Variants in ATP8B4 observed in about 807,000 individuals in gnomAD.
ATP8B4 encodes the protein ATPase phospholipid transporting 8B4 (putative).
In ATP8B4, 133 loss-of-function variants were observed where a neutral mutation model predicts 145.6. That is an observed-to-expected ratio of 0.91 (90% confidence interval 0.79 to 1.05). The LOEUF (loss-of-function observed/expected upper bound fraction) is 1.05, where lower values mean the gene tolerates loss of function less well. Among genes scored for constraint, ATP8B4 ranks in the 50% least tolerant of loss-of-function variants. The probability of loss-of-function intolerance (pLI) is 0.00; values close to 1 mark genes in which losing one functional copy is unlikely to be tolerated. For missense variants in ATP8B4, 1,458 were observed against 1,425.2 expected (o/e 1.02, Z -0.37); for synonymous variants, 507 against 492.9 (o/e 1.03, Z -0.38).
intron 3 of ATP8B4, among the ~76,000 whole-genome samples, chr15:50,060,384 A>C (rs1421529340): frequency 1.3e-5 from 2 of 152,204 alleles, no homozygotes; most frequent in Non-Finnish European, 2.9e-5. Flanking sequence ...ATCCAATTAA[A>C]TAATACTTGA....
intron 2 of ATP8B4, among the ~76,000 whole-genome samples, chr15:50,088,503 C>T (rs1332192730): frequency 1.3e-5 from 2 of 152,120 alleles, no homozygotes; most frequent in African/African-American, 4.8e-5. Context: ...ACTGTTCCCT[C>T]GCCTGGCATG....
intron 1 of ATP8B4, among the ~76,000 whole-genome samples, chr15:50,150,377 A>G (rs1439904506): frequency 6.6e-6 from 1 of 152,182 alleles, no homozygotes; most frequent in East Asian, 1.9e-4. Flanking sequence ...ATTTTAACAC[A>G]ATGGACTCCA....
intron 2 of ATP8B4, among the ~76,000 whole-genome samples, chr15:50,093,872 A>T (rs2055777779): frequency 6.6e-6 from 1 of 152,210 alleles, no homozygotes; most frequent in Admixed American, 6.5e-5. Context: ...ACTTTAATAC[A>T]ATAAGCACTG....
intron 1 of ATP8B4, among the ~76,000 whole-genome samples, chr15:50,157,355 C>T (rs2140829411): frequency 1.3e-5 from 2 of 152,260 alleles, no homozygotes; most frequent in South Asian, 4.1e-4. Context: ...AAAAGATGAG[C>T]CATGGAAGTG....
intron 2 of ATP8B4, among the ~76,000 whole-genome samples, chr15:50,078,369 T>C (rs913080425): frequency 6.6e-6 from 1 of 151,734 alleles, no homozygotes; most frequent in African/African-American, 2.4e-5. Flanking sequence ...TAAGAAGACA[T>C]GGCATCCATG....
At chr15:50,173,785 CATTCT>C (rs1158739309) in intron 1 of ATP8B4, among the ~76,000 whole-genome samples, 1 of 152,076 alleles carries the variant, frequency 6.6e-6, no homozygotes, top group Non-Finnish European at 1.5e-5. Flanking sequence ...CTCCCTAATT[CATTCT>C]ATGAAGCCAG....
At chr15:50,015,572 A>G in intron 6 of ATP8B4, among the ~76,000 whole-genome samples, 1 of 152,204 alleles carries the variant, frequency 6.6e-6, no homozygotes, top group East Asian at 1.9e-4. Flanking sequence ...GGACCCAATC[A>G]TGGCAACAGT....
At chr15:50,047,715 G>GATTTCTGACTTAAGC (rs1207429484) in intron 3 of ATP8B4, among the ~76,000 whole-genome samples, 1 of 152,024 alleles carries the variant, frequency 6.6e-6, no homozygotes, top group Non-Finnish European at 1.5e-5. Flanking sequence ...CTACCCCTGA[G>GATTTCTGACTTAAGC]ATTTCTGACT....
intron 26 of ATP8B4, among the ~76,000 whole-genome samples, chr15:49,865,218 C>T (rs1444117466): frequency 6.6e-6 from 1 of 152,178 alleles, no homozygotes; most frequent in Non-Finnish European, 1.5e-5. Flanking sequence ...CCATAACAGC[C>T]TTAAAGAACA....
intron 13 of ATP8B4, among the ~76,000 whole-genome samples, chr15:49,970,272 G>A (rs2044979257): frequency 6.6e-6 from 1 of 152,128 alleles, no homozygotes; most frequent in African/African-American, 2.4e-5. Flanking sequence ...TTCTGACCAG[G>A]GCAATCAGGC....
At chr15:50,158,377 T>C (rs995974516) in intron 1 of ATP8B4, among the ~76,000 whole-genome samples, 3 of 147,714 alleles carry the variant, frequency 2.0e-5, no homozygotes, top group Admixed American at 6.7e-5. Context: ...AGCCACCCCA[T>C]CCGGGAGGGA....
At chr15:50,081,040 G>A (rs573717839) in intron 2 of ATP8B4, among the ~76,000 whole-genome samples, 1 of 151,666 alleles carries the variant, frequency 6.6e-6, no homozygotes, top group African/African-American at 2.4e-5. Flanking sequence ...GAGAACCCGG[G>A]AGGCGGAGCT....
intron 2 of ATP8B4, among the ~76,000 whole-genome samples, chr15:50,103,722 G>GA (rs2056508469): frequency 6.6e-6 from 1 of 151,950 alleles, no homozygotes; most frequent in African/African-American, 2.4e-5. Context: ...CACAGAACTA[G>GA]AAAAAACAAT....
intron 14 of ATP8B4, among the ~76,000 whole-genome samples, chr15:49,950,625 A>AAAAAC (rs1555427931): frequency 7.2e-6 from 1 of 138,362 alleles, no homozygotes; most frequent in Non-Finnish European, 1.7e-5. Flanking sequence ...CAAACAAAAA[A>AAAAAC]AACAACAACA....
chr15:50,133,477 C>G (rs1259985281), intron 1 of ATP8B4, among the ~76,000 whole-genome samples: 1 of 151,698 alleles, frequency 6.6e-6, no homozygotes, highest in African/African-American at 2.4e-5. Flanking sequence ...CCCAGCTACT[C>G]AGGAGGCTGA....
intron 2 of ATP8B4, among the ~76,000 whole-genome samples, chr15:50,097,876 A>G (rs1317744331): frequency 1.3e-5 from 2 of 152,222 alleles, no homozygotes; most frequent in East Asian, 1.9e-4. Context: ...TTTATAATTT[A>G]TGAGTTACTT....
At chr15:50,152,062 A>G (rs998467081) in intron 1 of ATP8B4, among the ~76,000 whole-genome samples, 22 of 152,090 alleles carry the variant, frequency 1.4e-4, no homozygotes, top group African/African-American at 5.1e-4. Flanking sequence ...TGCCTTATCT[A>G]TTGATTAGCA....
chr15:50,162,242 C>G (rs1336926409), intron 1 of ATP8B4, among the ~76,000 whole-genome samples: 1 of 151,786 alleles, frequency 6.6e-6, no homozygotes, highest in Non-Finnish European at 1.5e-5. Context: ...TTATTACATG[C>G]CTTGAGGTAG....
intron 6 of ATP8B4, among the ~76,000 whole-genome samples, chr15:50,032,402 T>G (rs973627787): frequency 1.3e-5 from 2 of 152,234 alleles, no homozygotes; most frequent in Non-Finnish European, 2.9e-5. Flanking sequence ...CCATGGTGTA[T>G]ATGTGCCATA....
Sources: gnomAD v4.1 joint callset for allele counts (sites outside exome capture counted in the v4.1 genomes callset) on GRCh38, gnomAD v4.1.1 for gene constraint, MANE v1.5 for transcripts, NCBI Gene and HGNC (gene_info 2026-07-23, HGNC 2026-07-21) for gene names.